NEGR1: variants seen among roughly 807,000 people sequenced by gnomAD.
NEGR1 encodes neuronal growth regulator 1.
A neutral mutation model predicts 40.9 loss-of-function variants in NEGR1; 10 were observed. The ratio of observed to expected loss-of-function variants is 0.24; its 90% CI spans 0.15 to 0.42. The LOEUF is 0.42. NEGR1 is among the 10% of genes least tolerant of loss of function. The pLI, the probability that NEGR1 is intolerant of heterozygous loss-of-function variation, is 1.00. For missense variants in NEGR1, 352 were observed against 438.9 expected (o/e 0.80, Z 1.77); for synonymous variants, 185 against 166.8 (o/e 1.11, Z -0.84).
At chr1:71,472,237 G>A (rs1402930544) in intron 6 of NEGR1, among the ~76,000 whole-genome samples, 2 of 152,046 alleles carry the variant, frequency 1.3e-5, no homozygotes, top group East Asian at 1.9e-4. Flanking sequence ...ATAATGGAAC[G>A]GTATTGATTG....
chr1:72,186,385 G>A (rs1264788963), intron 1 of NEGR1, among the ~76,000 whole-genome samples: 1 of 151,556 alleles, frequency 6.6e-6, no homozygotes. Flanking sequence ...TCTCATTAGA[G>A]AGTTTATATC....
At chr1:72,254,474 G>A (rs370946074) in intron 1 of NEGR1, among the ~76,000 whole-genome samples, 7 of 152,110 alleles carry the variant, frequency 4.6e-5, no homozygotes, top group East Asian at 1.9e-4. Flanking sequence ...AGGCCGAGGC[G>A]GGCGGATCAC....
intron 1 of NEGR1, among the ~76,000 whole-genome samples, chr1:72,167,099 G>C (rs2100386579): frequency 6.6e-6 from 1 of 152,158 alleles, no homozygotes; most frequent in African/African-American, 2.4e-5. Context: ...CTGCCACTCA[G>C]ACAGTATCCT....
chr1:71,497,299 T>G (rs1189971683), intron 6 of NEGR1, among the ~76,000 whole-genome samples: 1 of 152,212 alleles, frequency 6.6e-6, no homozygotes, highest in Non-Finnish European at 1.5e-5. Context: ...TACAATTTTC[T>G]GTGTTCAAAT....
At chr1:71,985,708 A>AT (rs1646388711) in intron 1 of NEGR1, among the ~76,000 whole-genome samples, 1 of 152,220 alleles carries the variant, frequency 6.6e-6, no homozygotes, top group South Asian at 2.1e-4. Context: ...CCATAGAGTA[A>AT]TGCACAGATA....
intron 1 of NEGR1, among the ~76,000 whole-genome samples, chr1:72,152,745 G>A (rs1651172143): frequency 1.3e-5 from 2 of 151,748 alleles, no homozygotes; most frequent in East Asian, 1.9e-4. Context: ...ATGGTAGAAT[G>A]GATAAAGAAA....
At chr1:71,864,672 A>G (rs972870233) in intron 2 of NEGR1, among the ~76,000 whole-genome samples, 1 of 152,150 alleles carries the variant, frequency 6.6e-6, no homozygotes, top group Non-Finnish European at 1.5e-5. Flanking sequence ...ACAAGACAGG[A>G]GCTATTTCCA....
intron 1 of NEGR1, among the ~76,000 whole-genome samples, chr1:71,973,320 GA>G (rs35734264): frequency 0.41 from 42,101 of 101,824 alleles, 6,521 homozygotes; most frequent in African/African-American, 0.52. Context: ...CAACTCAAAA[GA>G]AAAAAAAAAA....
intron 1 of NEGR1, among the ~76,000 whole-genome samples, chr1:71,963,181 C>T (rs905237099): frequency 6.6e-6 from 1 of 151,948 alleles, no homozygotes; most frequent in Non-Finnish European, 1.5e-5. Context: ...TACACCTGGA[C>T]ATTTTTCTGT....
At chr1:72,149,829 C>T (rs551316327) in intron 1 of NEGR1, among the ~76,000 whole-genome samples, 3 of 132,366 alleles carry the variant, frequency 2.3e-5, no homozygotes, top group South Asian at 2.3e-4. Flanking sequence ...TGTGGTGAGC[C>T]GAGATGTTGC....
intron 1 of NEGR1, among the ~76,000 whole-genome samples, chr1:72,138,707 G>T (rs985495779): frequency 2.6e-5 from 4 of 151,932 alleles, no homozygotes; most frequent in Admixed American, 6.6e-5. Flanking sequence ...AGGAACAAAT[G>T]TTCAAAATAC....
In NEGR1 at chr1:72,282,490, T is replaced by C. The variant is rs1656299703; in HGVS notation, c.5A>G (p.Asp2Gly). ...AGCACCCTGCACCAACAGCATCATG[T>C]CCATCCCTGCTAGGGCTGCTCACTC... Reference protein sequence around the residue: MDMMLLVQGACC... With the variant: MGMMLLVQGACC... Residue 2 changes from aspartate to glycine, a missense_variant, in exon 1 of 7, where the codon GAC (aspartate) becomes GGC (glycine). Physicochemically the swap from Asp to Gly is moderately conservative, Grantham distance 94. Around this residue, in one of 5 missense-constraint regions of NEGR1, gnomAD observed 81 missense variants for 85.8 expected, o/e 0.94. Coordinates refer to ENST00000357731, the MANE Select transcript of NEGR1 (RefSeq NM_173808.3). 1 of 1,609,666 alleles carries C rather than the reference T, an allele frequency of 6.2e-7. No homozygotes were observed. The highest frequency in any genetic ancestry group is 1.1e-5 in the South Asian group (1 of 90,888).
chr1:71,962,700 G>T (rs1393127723), intron 1 of NEGR1, among the ~76,000 whole-genome samples: 2 of 151,134 alleles, frequency 1.3e-5, no homozygotes, highest in African/African-American at 4.9e-5. Context: ...AATGTCTCAC[G>T]TTAACTTCTC....
chr1:71,471,008 A>T (rs564637798), intron 6 of NEGR1, among the ~76,000 whole-genome samples: 1 of 152,078 alleles, frequency 6.6e-6, no homozygotes, highest in African/African-American at 2.4e-5. Flanking sequence ...TTTTCTGTCT[A>T]TCAGGTATCT....
chr1:71,972,007 T>C (rs1646260524), intron 1 of NEGR1, among the ~76,000 whole-genome samples: 1 of 152,190 alleles, frequency 6.6e-6, no homozygotes, highest in Admixed American at 6.5e-5. Flanking sequence ...ATGACAGAAA[T>C]GAACTATCCA....
chr1:71,411,745 C>T (rs1646322700), intron 6 of NEGR1, among the ~76,000 whole-genome samples: 1 of 152,032 alleles, frequency 6.6e-6, no homozygotes, highest in Admixed American at 6.5e-5. Flanking sequence ...CATGCCTGTA[C>T]TCCCAGCACT....
chr1:71,503,655 T>G lies in NEGR1; in HGVS notation c.940+89162A>C, dbSNP rs573726933. Among the ~76,000 whole-genome samples the G allele has an allele frequency of 4.2e-3, 636 of 152,234 alleles. 1 individual carries two copies. Among genetic ancestry groups the G allele is most frequent in the Non-Finnish European group, 7.1e-3 (484 of 68,000 alleles). ...TTCCCATAGACAGGGAGAGATTGGC[T>G]TTGTAAGTGCTCCTCTTACAAGTAC... On this transcript the variant is annotated intron_variant, in intron 6 of 6. Transcript: ENST00000357731.
chr1:72,061,704 A>G (rs1647177566), intron 1 of NEGR1, among the ~76,000 whole-genome samples: 1 of 151,854 alleles, frequency 6.6e-6, no homozygotes, highest in African/African-American at 2.4e-5. Flanking sequence ...ATTCTCACAG[A>G]AATTTCAGCC....
intron 1 of NEGR1, among the ~76,000 whole-genome samples, chr1:72,118,979 A>C (rs929771336): frequency 6.6e-6 from 1 of 151,784 alleles, no homozygotes; most frequent in Non-Finnish European, 1.5e-5. Context: ...TTGGTGAAAA[A>C]TTTTAATGCA....
Sources: allele counts gnomAD v4.1 joint callset (sites outside exome capture counted in the v4.1 genomes callset), GRCh38; gene constraint gnomAD v4.1.1; regional missense constraint gnomAD v4.1.1; transcripts MANE v1.5; gene names NCBI Gene and HGNC (gene_info 2026-07-23, HGNC 2026-07-21).